C2CD2: variants seen among roughly 807,000 people sequenced by gnomAD.
C2CD2 encodes C2 calcium dependent domain containing 2, also known as C2 domain-containing protein 2.
A neutral mutation model predicts 74.3 loss-of-function variants in C2CD2; 43 were observed. The observed-to-expected ratio is 0.58, with a 90% CI of 0.45 to 0.75. The LOEUF is 0.75. Ranked by LOEUF, C2CD2 falls within the 30% of genes least tolerant of loss-of-function variation. C2CD2 has a pLI of 0.00. For synonymous variants in C2CD2, 422 were observed against 390.7 expected, an observed-to-expected ratio of 1.08 and a Z score of -0.94; for missense variants, 801 against 916.3, an observed-to-expected ratio of 0.87 and a Z score of 1.63.
intron 1 of C2CD2, 151 bp downstream of exon 1, chr21:41,953,219 C>T (rs2065464560): frequency 2.3e-6 from 1 of 439,146 alleles, no homozygotes; most frequent in African/African-American, 2.0e-5. Context: ...GCTCCCCCGT[C>T]TCTCTCCTAA....
At position 41,899,247 on chromosome 21, in the gene C2CD2, G is replaced by C. The variant is rs998834745; in HGVS notation, c.1676C>G (p.Pro559Arg). 16 of 1,612,300 alleles carry C rather than the reference G, an allele frequency of 9.9e-6. No homozygotes were observed. Among genetic ancestry groups the C allele is most frequent in the Non-Finnish European group, 1.4e-5 (16 of 1,179,732 alleles). ...CTGGGCTGACTCGGCTTCCTCTGGC[G>C]GGGCAGAGGCTGCCGCCCTCTCCGG... ...SHPERAAASA[P>R]PEEAESAQAS... The change falls in exon 13 of 14, where the codon CCG (proline) becomes CGG (arginine). Residue 559 changes from proline to arginine, a missense_variant. Physicochemically the swap from Pro to Arg is moderately radical, Grantham distance 103. Transcript: ENST00000380486. The surrounding 1 kb of genome is among the most constrained non-coding windows in gnomAD (Gnocchi z 4.4).
rs4920119 is a variant in C2CD2, at chr21:41,899,996, G to A, written c.1561-634C>T. Among the ~76,000 whole-genome samples, 24,045 of 152,000 alleles carry A rather than the reference G, an allele frequency of 0.16. 2,100 individuals are homozygous for A. The highest frequency in any genetic ancestry group is 0.33 in the Middle Eastern group (98 of 294). On this transcript the variant is annotated intron_variant, in intron 12 of 13. Coordinates refer to ENST00000380486, the MANE Select transcript of C2CD2 (RefSeq NM_015500.2). This position sits in a 1 kb window ranked among gnomAD's most constrained non-coding sequence, Gnocchi z 4.4. ...GGGCCAGTCATGCTGTTCTTGGTGT[G>A]GGTGGCAGTGACACAGGCGTTTGCT...
rs2065157085 is a variant in C2CD2, at chr21:41,921,839, T to G, written c.492+133A>C. On this transcript the variant is annotated intron_variant, in intron 3 of 13. Coordinates refer to ENST00000380486, the MANE Select transcript of C2CD2 (RefSeq NM_015500.2). ...AAAATCCTATATGAAAGGTTACAGT[T>G]TGAAAATTATGACATGAATGATAAT... The G allele has an allele frequency of 7.9e-6, 5 of 632,980 alleles. No homozygotes were observed. In the South Asian group the frequency reaches 9.8e-5, roughly 12 times the overall value. 39.2% of individuals were successfully genotyped at this position (632,980 alleles called of 1,614,324 possible).
rs780583250 is a variant in C2CD2, at chr21:41,901,631, C to T, written c.1551G>A (p.Gly517=). Residue 517 remains glycine, a synonymous_variant, in exon 12 of 14, where the codon GGG becomes GGA. Coordinates refer to ENST00000380486, the MANE Select transcript of C2CD2 (RefSeq NM_015500.2). ...GCCACCACGATGGTACCTTGGAGAT[C>T]CCTGATATGATAATAGTGCTTTTCT... The part of the protein sequence containing the change: ...PRKKSTIIIS[G]ISKTSLSQDH... 1.9e-6 allele frequency: 3 copies of T among 1,614,164 alleles called. 1 individual carries two copies. In the Admixed American group the frequency reaches 5.0e-5, roughly 27 times the overall value.
chr21:41,907,028 G>A lies in C2CD2; in HGVS notation c.1282C>T (p.Arg428Cys), dbSNP rs146922306. The change falls in exon 10 of 14, where the codon CGC (arginine) becomes TGC (cysteine). Residue 428 changes from arginine to cysteine, a missense_variant. Physicochemically the swap from Arg to Cys is radical, Grantham distance 180. Transcript: ENST00000380486. ...GGGGACGCCCTCCCCACGTCGACGC[G>A]AGGCTTGGTCTTCACAGCAGTGACA... is the stretch of plus-strand genomic sequence containing the variant. ...TTVTAVKTKP[R>C]VDVGRASPLS... 215 of 1,613,962 alleles carry A rather than the reference G, an allele frequency of 1.3e-4. No homozygotes were observed. Among genetic ancestry groups the A allele is most frequent in the Middle Eastern group, 1.7e-4 (1 of 6,058 alleles).
intron 1 of C2CD2, among the ~76,000 whole-genome samples, chr21:41,948,893 C>CTTTCTTTTTTTTTTTTTTTTTTTT (rs2065426749): frequency 1.0e-5 from 1 of 98,598 alleles, no homozygotes; most frequent in Non-Finnish European, 1.8e-5. Flanking sequence ...TTTTTTTTTT[C>CTTTCTTTTTTTTTTTTTTTTTTTT]TTTTTTTTTA....
intron 7 of C2CD2, among the ~76,000 whole-genome samples, chr21:41,910,782 G>C (rs1015346743): frequency 6.6e-6 from 1 of 151,736 alleles, no homozygotes; most frequent in Admixed American, 6.6e-5. Flanking sequence ...TTAATACTTT[G>C]GTACTCAGCT....
rs1054290865 is a variant in C2CD2 at position 41,945,166 on chromosome 21, G to A, written c.280-2921C>T. Among the ~76,000 whole-genome samples, 8 of 152,196 alleles carry A rather than the reference G, an allele frequency of 5.3e-5. No homozygotes were observed. Among genetic ancestry groups the A allele is most frequent in the African/African-American group, 1.9e-4 (8 of 41,454 alleles). On this transcript the variant is annotated intron_variant, in intron 1 of 13. Transcript: ENST00000380486. The surrounding 1 kb of genome is among the most constrained non-coding windows in gnomAD (Gnocchi z 4.2). ...TCTTACTCTTGGAGAAGGGAGTTAA[G>A]AATAAGAAAGTGAAAAAACTAAAAT...
chr21:41,901,789 T>C (rs1326610969), intron 11 of C2CD2, 40 bp from the exon 12 acceptor site: 1 of 1,595,772 alleles, frequency 6.3e-7, no homozygotes, highest in Non-Finnish European at 8.6e-7. Context: ...TCAGCAAAAA[T>C]TAAAGACTTC....
At chr21:41,951,897 AG>A (rs1431693086) in intron 1 of C2CD2, among the ~76,000 whole-genome samples, 1 of 152,196 alleles carries the variant, frequency 6.6e-6, no homozygotes, top group Non-Finnish European at 1.5e-5. Context: ...CTGAACTTAA[AG>A]GTCATTCACC....
Position 41,924,382 on chromosome 21 carries a change from TC to T in C2CD2, c.379-2298del, listed in dbSNP as rs2065186835. ...ATGCCACAGAGCTAGAAAAAGAAAATCCTGCCTTCTCTCAATATTGGCAGAA... is the reference window on the plus strand; with the variant it reads ...ATGCCACAGAGCTAGAAAAAGAAAATCTGCCTTCTCTCAATATTGGCAGAA... On this transcript the variant is annotated intron_variant, in intron 2 of 13. Coordinates refer to ENST00000380486, the MANE Select transcript of C2CD2 (RefSeq NM_015500.2). The surrounding 1 kb of genome is among the most constrained non-coding windows in gnomAD (Gnocchi z 4.4). Among the ~76,000 whole-genome samples, 1 of 152,048 alleles carries T rather than the reference TC, an allele frequency of 6.6e-6. No individual in the cohort carries two copies. The highest frequency in any genetic ancestry group is 2.4e-5 in the African/African-American group (1 of 41,382).
chr21:41,926,085 A>G lies in C2CD2; in HGVS notation c.379-4000T>C, dbSNP rs573938217. Among the ~76,000 whole-genome samples the G allele has an allele frequency of 4.0e-4, 61 of 152,350 alleles. No individual in the cohort carries two copies. The highest frequency in any genetic ancestry group is 1.3e-3 in the African/African-American group (53 of 41,590). On this transcript the variant is annotated intron_variant, in intron 2 of 13. Transcript: ENST00000380486. The surrounding 1 kb of genome is among the most constrained non-coding windows in gnomAD (Gnocchi z 8.0). ...ATTATTTGGCATAGGCGGCAGTGAC[A>G]GTGAACTCCTCAGAGGACAGGAGTG...
At position 41,887,062 on chromosome 21, in the gene C2CD2, A is replaced by G. The variant is rs1156459827; in HGVS notation, c.*2062T>C. 6.6e-6 allele frequency: 1 copy of G among 152,224 alleles called. No individual in the cohort carries two copies. The highest frequency in any genetic ancestry group is 1.5e-5 in the Non-Finnish European group (1 of 68,048). The allele number at this position is 152,224 out of a possible 1,614,324, so 9.4% of individuals were successfully genotyped here. A position where few individuals can be genotyped will look rare whatever the true frequency, so the allele number is the denominator to read the frequency against. On this transcript the variant is annotated 3_prime_UTR_variant, in exon 14 of 14. Coordinates refer to ENST00000380486, the MANE Select transcript of C2CD2 (RefSeq NM_015500.2). ...ATTCCAAAATCAAATAAAAAAGAAC[A>G]ATTAAAAACTTCTCATCAGTGTCTG... is the stretch of plus-strand genomic sequence containing the variant.
chr21:41,912,190 A>C lies in C2CD2; in HGVS notation c.953+142T>G, dbSNP rs2065033321. 1.1e-5 allele frequency: 6 copies of C among 565,562 alleles called. No homozygotes were observed. In the East Asian group the frequency reaches 1.5e-4, roughly 14 times the overall value. The allele number at this position is 565,562 out of a possible 1,614,324, so 35.0% of individuals were successfully genotyped here. On this transcript the variant is annotated intron_variant, in intron 7 of 13. Coordinates refer to ENST00000380486, the MANE Select transcript of C2CD2 (RefSeq NM_015500.2). ...CCATGTTTGACCTAAAGCTACCTTTAAGATGCTTAAGACATCATTTGTTGT... is the reference window on the plus strand; with the variant it reads ...CCATGTTTGACCTAAAGCTACCTTTCAGATGCTTAAGACATCATTTGTTGT...
At chr21:41,940,859 C>T (rs1244499585) in intron 2 of C2CD2, among the ~76,000 whole-genome samples, 1 of 152,176 alleles carries the variant, frequency 6.6e-6, no homozygotes. Flanking sequence ...CAGCAGCCAA[C>T]AAGAATATAC....
chr21:41,889,597 C>T (rs9984118), intron 13 of C2CD2, among the ~76,000 whole-genome samples: 6,289 of 151,932 alleles, frequency 0.041, 221 homozygotes, highest in Middle Eastern at 0.099. Flanking sequence ...CGCTTGATAT[C>T]CCTTTCTAAG....
At chr21:41,902,826 G>A (rs926699452) in intron 11 of C2CD2, among the ~76,000 whole-genome samples, 3 of 152,192 alleles carry the variant, frequency 2.0e-5, no homozygotes, top group South Asian at 4.2e-4. Flanking sequence ...CCAGAGCCAC[G>A]GAGCTGGGGC....
chr21:41,922,022 C>T lies in C2CD2; in HGVS notation c.442G>A (p.Gly148Ser), dbSNP rs199910902. Residue 148 changes from glycine (G) to serine (S), a missense_variant, in exon 3 of 14, where the codon GGT (glycine) becomes AGT (serine). Transcript: ENST00000380486. ...ATGTCGTACAGCCGGCATCCAGCAC[C>T]CAAGGCAGGCGTCTCGCTGACCAAG... is the stretch of plus-strand genomic sequence containing the variant. ...QFLVSETPAL[G>S]AGCRLYDMRL... is the part of the protein sequence containing the mutation. 387 of 1,614,038 alleles carry T rather than the reference C, an allele frequency of 2.4e-4. No individual in the cohort carries two copies. The highest frequency in any genetic ancestry group is 3.1e-4 in the Non-Finnish European group (364 of 1,180,000).
At chr21:41,894,658 GT>G in intron 13 of C2CD2, 1 of 456,594 alleles carries the variant, frequency 2.2e-6, no homozygotes. Context: ...AATGAGTTGC[GT>G]CTCCAGAGAG....
Sources: allele counts gnomAD v4.1 joint callset (sites outside exome capture counted in the v4.1 genomes callset), GRCh38; gene constraint gnomAD v4.1.1; non-coding constraint Gnocchi (gnomAD v3.1); transcripts MANE v1.5; gene names NCBI Gene and HGNC (gene_info 2026-07-23, HGNC 2026-07-21).